RPE65: variants seen among roughly 807,000 people sequenced by gnomAD.
RPE65 encodes retinoid isomerohydrolase.
A neutral mutation model predicts 68.5 loss-of-function variants in RPE65; 58 were observed. The observed-to-expected ratio is 0.85, with a 90% confidence interval of 0.69 to 1.05. RPE65 has a LOEUF of 1.05. Ranked by LOEUF, RPE65 falls within the 50% of genes least tolerant of loss-of-function variation. RPE65 has a pLI of 0.00. For missense variants in RPE65, 643 were observed against 629.9 expected (o/e 1.02, Z -0.22); for synonymous variants, 220 against 222.2 (o/e 0.99, Z 0.09).
In RPE65 at chr1:68,431,590, G is replaced by A. The variant is rs368533067; in HGVS notation, c.1129-5C>T. 155 of 1,611,982 alleles carry A rather than the reference G, an allele frequency of 9.6e-5. No individual in the cohort carries two copies. The highest frequency in any genetic ancestry group is 1.3e-4 in the Non-Finnish European group (151 of 1,178,282). ...TAAATTCTTGCCTGTGTCAGCCTAGGAGAGAAGATAACAGAAACCTCAGTG... is the reference window on the plus strand; with the variant it reads ...TAAATTCTTGCCTGTGTCAGCCTAGAAGAGAAGATAACAGAAACCTCAGTG... On this transcript the variant is annotated splice_polypyrimidine_tract_variant and splice_region_variant and intron_variant, in intron 10 of 13. Transcript: ENST00000262340.
Position 68,429,356 on chromosome 1 carries a change from G to T in RPE65, c.*420C>A, listed in dbSNP as rs1438142347. The T allele has an allele frequency of 5.4e-6, 1 of 185,152 alleles. No homozygotes were observed. The highest frequency in any genetic ancestry group is 1.1e-5 in the Non-Finnish European group (1 of 88,352). 11.5% of individuals were successfully genotyped at this position (185,152 alleles called of 1,614,324 possible). ...ATTTAGTAATTAAGCCTTATTGCAT[G>T]ATACTTCCTTGACTCAGCAAAGCCA... is the stretch of plus-strand genomic sequence containing the variant. On this transcript the variant is annotated 3_prime_UTR_variant, in exon 14 of 14. Coordinates refer to ENST00000262340, the MANE Select transcript of RPE65 (RefSeq NM_000329.3).
chr1:68,438,162 T>C (rs376046177), intron 10 of RPE65, 25 bp downstream of exon 10: 46 of 1,613,356 alleles, frequency 2.9e-5, no homozygotes, highest in African/African-American at 5.3e-5. Flanking sequence ...TGGTTAAATC[T>C]GAAATCTACA....
At chr1:68,448,559 G>A in intron 2 of RPE65, 65 bp downstream of exon 2, 2 of 1,484,074 alleles carry the variant, frequency 1.3e-6, no homozygotes, top group South Asian at 2.3e-5. Context: ...AGACGCCAAG[G>A]AATAGGAAGC....
At chr1:68,447,802 A>G (rs1002783231) in intron 2 of RPE65, among the ~76,000 whole-genome samples, 1 of 152,188 alleles carries the variant, frequency 6.6e-6, no homozygotes, top group Non-Finnish European at 1.5e-5. Context: ...GTGAGCTGAG[A>G]TCATCCCACT....
At chr1:68,440,597 A>G (rs1466902678) in intron 6 of RPE65, among the ~76,000 whole-genome samples, 2 of 152,202 alleles carry the variant, frequency 1.3e-5, no homozygotes, top group Non-Finnish European at 2.9e-5. Context: ...ATATATATAT[A>G]TGTACTACAT....
At chr1:68,445,366 T>C (rs1009659895) in intron 3 of RPE65, among the ~76,000 whole-genome samples, 4 of 152,190 alleles carry the variant, frequency 2.6e-5, no homozygotes, top group Non-Finnish European at 5.9e-5. Flanking sequence ...TTTTAACATT[T>C]ATTTTGTTTT....
chr1:68,446,956 A>T, intron 2 of RPE65, 96 bp from the exon 3 acceptor site: 1 of 1,498,498 alleles, frequency 6.7e-7, no homozygotes, highest in Non-Finnish European at 9.3e-7. Context: ...CTGATTGGGC[A>T]GCTTCTTCCT....
At chr1:68,443,508 C>A in intron 5 of RPE65, among the ~76,000 whole-genome samples, 1 of 152,252 alleles carries the variant, frequency 6.6e-6, no homozygotes, top group Middle Eastern at 3.4e-3. Flanking sequence ...TGCTTTTGAT[C>A]GCTTTACCCC....
intron 13 of RPE65, 65 bp downstream of exon 13, chr1:68,431,000 C>G: frequency 3.1e-6 from 4 of 1,300,044 alleles, no homozygotes; most frequent in Non-Finnish European, 4.5e-6. Context: ...TACTCCTTTC[C>G]TAACGAACTA....
intron 2 of RPE65, among the ~76,000 whole-genome samples, chr1:68,447,877 A>AAAC (rs1645954083): frequency 6.6e-6 from 1 of 151,852 alleles, no homozygotes; most frequent in Non-Finnish European, 1.5e-5. Flanking sequence ...AACAAACAAA[A>AAAC]AAACAAACAA....
intron 7 of RPE65, 75 bp from the exon 8 acceptor site, chr1:68,439,398 G>T (rs994717770): frequency 3.8e-6 from 6 of 1,595,414 alleles, no homozygotes; most frequent in Non-Finnish European, 5.1e-6. Flanking sequence ...TATATATGTG[G>T]TATGCTCAGT....
Position 68,439,643 on chromosome 1 carries a change from C to T in RPE65, c.644-1G>A. On this transcript the variant is annotated splice_acceptor_variant, in intron 6 of 13. Transcript: ENST00000262340. LOFTEE classifies it high-confidence loss of function. ...GACTTGCTTATTGGATCTTCCTTGT[C>T]TGAAATAAAGTGGTTTTAAAAGGCT... The T allele has an allele frequency of 6.2e-7, 1 of 1,613,274 alleles. No individual in the cohort carries two copies. The highest frequency in any genetic ancestry group is 8.5e-7 in the Non-Finnish European group (1 of 1,179,550).
chr1:68,444,936 C>G, intron 3 of RPE65, 53 bp from the exon 4 acceptor site: 1 of 1,494,388 alleles, frequency 6.7e-7, no homozygotes, highest in South Asian at 1.1e-5. Context: ...ATCCGTACAG[C>G]CCATGTGGAG....
intron 10 of RPE65, among the ~76,000 whole-genome samples, chr1:68,434,845 C>T (rs1189856200): frequency 6.6e-6 from 1 of 152,090 alleles, no homozygotes; most frequent in Admixed American, 6.5e-5. Context: ...CTCACTGTAA[C>T]TTTGAACTCC....
chr1:68,431,729 C>T, intron 10 of RPE65, 144 bp from the exon 11 acceptor site: 1 of 722,958 alleles, frequency 1.4e-6, no homozygotes, highest in Non-Finnish European at 2.5e-6. Context: ...ATGAGGGACC[C>T]TGGGACGCGA....
At chr1:68,433,031 C>T (rs1329292203) in intron 10 of RPE65, among the ~76,000 whole-genome samples, 1 of 152,128 alleles carries the variant, frequency 6.6e-6, no homozygotes, top group African/African-American at 2.4e-5. Context: ...AAGATAGGAA[C>T]TACAGGTGGA....
chr1:68,446,890 T>C, intron 2 of RPE65, 30 bp from the exon 3 acceptor site: 1 of 1,612,538 alleles, frequency 6.2e-7, no homozygotes, highest in Non-Finnish European at 8.5e-7. Flanking sequence ...GAACATTGCT[T>C]CTTATCCCTG....
intron 12 of RPE65, 21 bp downstream of exon 12, chr1:68,431,260 AT>A (rs1402091457): frequency 6.2e-7 from 1 of 1,611,312 alleles, no homozygotes; most frequent in Non-Finnish European, 8.5e-7. Context: ...CTGTTCAAAT[AT>A]TAGTAAGAAG....
chr1:68,447,632 C>T lies in RPE65; in HGVS notation c.95-772G>A, dbSNP rs537676903. Among the ~76,000 whole-genome samples the T allele has an allele frequency of 3.3e-5, 5 of 152,222 alleles. No individual in the cohort carries two copies. The East Asian group carries it at 9.7e-4, about 30-fold the overall frequency. On this transcript the variant is annotated intron_variant, in intron 2 of 13. Coordinates refer to ENST00000262340, the MANE Select transcript of RPE65 (RefSeq NM_000329.3). The stretch of plus-strand genomic sequence containing the variant: ...ATCCCAGCACTTTGGGAGGCCTAGG[C>T]GGGCGGATCACGAGGTCAGGAGATC...
Sources: gnomAD v4.1 joint callset for allele counts (sites outside exome capture counted in the v4.1 genomes callset) on GRCh38, gnomAD v4.1.1 for gene constraint, MANE v1.5 for transcripts, NCBI Gene and HGNC (gene_info 2026-07-23, HGNC 2026-07-21) for gene names.